C8orf34: variants seen among roughly 807,000 people sequenced by gnomAD.
The protein encoded by C8orf34 is chromosome 8 open reading frame 34.
In C8orf34, 65 loss-of-function variants were observed where a neutral mutation model predicts 68.3. The ratio of observed to expected loss-of-function variants is 0.95; its 90% CI spans 0.78 to 1.17. The LOEUF is 1.17. Among genes scored for constraint, C8orf34 ranks in the 50% most tolerant of loss-of-function variants. The pLI, the probability that C8orf34 is intolerant of heterozygous loss-of-function variation, is 0.00. For synonymous variants in C8orf34, 244 were observed against 241.2 expected (o/e 1.01, Z -0.11); for missense variants, 664 against 655.4 (o/e 1.01, Z -0.14).
intron 8 of C8orf34, among the ~76,000 whole-genome samples, chr8:68,682,044 G>C (rs1820385259): frequency 6.6e-6 from 1 of 152,042 alleles, no homozygotes; most frequent in Non-Finnish European, 1.5e-5. Context: ...GGGGAAGTGG[G>C]GATGGCTAAT....
intron 11 of C8orf34, among the ~76,000 whole-genome samples, chr8:68,779,445 A>T (rs1443451103): frequency 6.6e-6 from 1 of 152,282 alleles, no homozygotes; most frequent in East Asian, 1.9e-4. Context: ...GGCAACATAC[A>T]TGGGAGTGCG....
At chr8:68,346,304 A>AGGG (rs1585955876) in intron 1 of C8orf34, among the ~76,000 whole-genome samples, 1 of 115,184 alleles carries the variant, frequency 8.7e-6, no homozygotes, top group African/African-American at 3.6e-5. Context: ...TATTGTTAGG[A>AGGG]TTTAGGTTCA....
chr8:68,341,057 A>G (rs1806049177), intron 1 of C8orf34, among the ~76,000 whole-genome samples: 1 of 152,202 alleles, frequency 6.6e-6, no homozygotes, highest in South Asian at 2.1e-4. Context: ...TAATGAAAAT[A>G]CCATAAATTA....
intron 1 of C8orf34, among the ~76,000 whole-genome samples, chr8:68,394,911 T>G (rs2129620939): frequency 6.6e-6 from 1 of 152,188 alleles, no homozygotes; most frequent in East Asian, 1.9e-4. Context: ...AGTTCTAACT[T>G]AATGAATCAT....
chr8:68,813,075 C>T (rs967837116), intron 12 of C8orf34, among the ~76,000 whole-genome samples: 4 of 152,184 alleles, frequency 2.6e-5, no homozygotes, highest in Admixed American at 2.0e-4. Flanking sequence ...TGCTGTTTCT[C>T]TCTGAAAAAA....
At chr8:68,679,086 G>T (rs1372650865) in intron 8 of C8orf34, among the ~76,000 whole-genome samples, 1 of 151,928 alleles carries the variant, frequency 6.6e-6, no homozygotes, top group South Asian at 2.1e-4. Context: ...TGATCACAAG[G>T]TCAGGAGATC....
At chr8:68,621,121 A>T (rs1331856516) in intron 7 of C8orf34, among the ~76,000 whole-genome samples, 1 of 152,192 alleles carries the variant, frequency 6.6e-6, no homozygotes, top group Non-Finnish European at 1.5e-5. Flanking sequence ...ACCCCAGAAG[A>T]AGTACAAGAT....
chr8:68,339,275 A>T (rs1261561954), intron 1 of C8orf34, among the ~76,000 whole-genome samples: 1 of 151,992 alleles, frequency 6.6e-6, no homozygotes, highest in African/African-American at 2.4e-5. Flanking sequence ...AATAAATAAT[A>T]AGTAAGTTTA....
At chr8:68,571,029 T>C (rs970513888) in intron 7 of C8orf34, among the ~76,000 whole-genome samples, 1 of 152,138 alleles carries the variant, frequency 6.6e-6, no homozygotes, top group Non-Finnish European at 1.5e-5. Flanking sequence ...TGGAAGGAGC[T>C]TTGACCATTG....
chr8:68,439,335 G>A (rs1216324107), intron 1 of C8orf34, 164 bp from the exon 2 acceptor site: 2 of 551,124 alleles, frequency 3.6e-6, no homozygotes, highest in East Asian at 3.1e-5. Context: ...CAGAATGAGG[G>A]CAGTAACTTG....
chr8:68,739,015 A>G (rs574240489), intron 10 of C8orf34, among the ~76,000 whole-genome samples: 1 of 152,266 alleles, frequency 6.6e-6, no homozygotes, highest in African/African-American at 2.4e-5. Context: ...TTAGGCCAAT[A>G]TTCTTAATGA....
At chr8:68,533,440 C>A in intron 7 of C8orf34, 8 of 1,068,996 alleles carry the variant, frequency 7.5e-6, no homozygotes, top group Non-Finnish European at 9.0e-6. Flanking sequence ...GATCAAAATT[C>A]AAGTCTGTCT....
intron 8 of C8orf34, among the ~76,000 whole-genome samples, chr8:68,671,247 T>C (rs1267245173): frequency 6.6e-6 from 1 of 152,186 alleles, no homozygotes; most frequent in Non-Finnish European, 1.5e-5. Flanking sequence ...AATAATTGCT[T>C]TACAAAATCT....
At chr8:68,653,808 A>G (rs892513385) in intron 8 of C8orf34, among the ~76,000 whole-genome samples, 3 of 152,174 alleles carry the variant, frequency 2.0e-5, no homozygotes, top group Admixed American at 2.0e-4. Context: ...GGGGAGACAC[A>G]CACATAATGG....
chr8:68,353,202 G>T (rs1806588656), intron 1 of C8orf34, among the ~76,000 whole-genome samples: 1 of 151,956 alleles, frequency 6.6e-6, no homozygotes, highest in Admixed American at 6.6e-5. Flanking sequence ...TTTGAGCATA[G>T]GGTCTTAATG....
At chr8:68,766,126 C>A (rs534006291) in intron 10 of C8orf34, among the ~76,000 whole-genome samples, 3 of 152,082 alleles carry the variant, frequency 2.0e-5, no homozygotes, top group African/African-American at 7.2e-5. Context: ...CTAGTAATAC[C>A]GCTTATCTGA....
intron 8 of C8orf34, among the ~76,000 whole-genome samples, chr8:68,681,587 T>C (rs1379645056): frequency 6.6e-6 from 1 of 152,174 alleles, no homozygotes; most frequent in Non-Finnish European, 1.5e-5. Context: ...ACAACCACTA[T>C]GGAGAACAGT....
At chr8:68,591,198 G>C (rs1180493238) in intron 7 of C8orf34, among the ~76,000 whole-genome samples, 1 of 152,058 alleles carries the variant, frequency 6.6e-6, no homozygotes, top group Non-Finnish European at 1.5e-5. Context: ...CCAAACTAAA[G>C]GTCCTAACTC....
At chr8:68,549,408 A>G (rs1815991267) in intron 7 of C8orf34, among the ~76,000 whole-genome samples, 2 of 151,792 alleles carry the variant, frequency 1.3e-5, no homozygotes, top group Admixed American at 6.6e-5. Context: ...ATCTATAGTG[A>G]TAGAAATCAG....
Sources: allele counts gnomAD v4.1 joint callset (sites outside exome capture counted in the v4.1 genomes callset), GRCh38; gene constraint gnomAD v4.1.1; transcripts MANE v1.5; gene names NCBI Gene and HGNC (gene_info 2026-07-23, HGNC 2026-07-21).